Variants in PLD3 observed in about 807,000 individuals in gnomAD.
The protein encoded by PLD3 is 5'-3' exonuclease PLD3.
PLD3 carries 31 observed loss-of-function variants against 58.4 expected under a neutral mutation model. That is an observed-to-expected ratio of 0.53 (90% CI 0.40 to 0.72). The LOEUF (loss-of-function observed/expected upper bound fraction) is 0.72. Ranked by LOEUF, PLD3 falls within the 30% of genes least tolerant of loss-of-function variation. PLD3 has a pLI of 0.00. For synonymous variants in PLD3, 264 were observed against 273.4 expected (o/e 0.97, Z 0.34); for missense variants, 595 against 659.8 (o/e 0.90, Z 1.08).
Position 40,378,179 on chromosome 19 carries a change from G to A in PLD3, c.*6G>A, listed in dbSNP as rs768959805. ...ACGCCTGCCGCCTGCTCTGAGGCCC[G>A]ATCCAGTGGGCAGGCCAAGGCCTGC... On this transcript the variant is annotated 3_prime_UTR_variant, in exon 13 of 13. Coordinates refer to ENST00000409735, the MANE Select transcript of PLD3 (RefSeq NM_012268.4). 14 of 1,603,752 alleles carry A rather than the reference G, an allele frequency of 8.7e-6. No homozygotes were observed. The highest frequency in any genetic ancestry group is 6.8e-5 in the Admixed American group (4 of 59,152).
chr19:40,361,476 C>T lies in PLD3; in HGVS notation c.-278-4242C>T, dbSNP rs150585555. Among the ~76,000 whole-genome samples, 229 of 152,280 alleles carry T rather than the reference C, an allele frequency of 1.5e-3. 3 individuals are homozygous for T. The East Asian group carries it at 0.016, about 11-fold the overall frequency. ...CATCCTTCCCTGCTGGGAACCCACA[C>T]GTGACCCTGTTCTACTCATCACAGT... is the stretch of plus-strand genomic sequence containing the variant. On this transcript the variant is annotated intron_variant, in intron 1 of 12. Transcript: ENST00000409735.
Position 40,378,047 on chromosome 19 carries a change from G to A in PLD3, c.1347G>A (p.Thr449=), listed in dbSNP as rs558997903. The A allele has an allele frequency of 5.6e-6, 9 of 1,613,772 alleles. No individual in the cohort carries two copies. Among genetic ancestry groups the A allele is most frequent in the Admixed American group, 3.3e-5 (2 of 59,980 alleles). Residue 449 remains threonine (T), a synonymous_variant, in exon 13 of 13, where the codon ACG becomes ACA. Transcript: ENST00000409735. ...TETAGTSLLV[T]QNGRGGLRSQ... ...CGGCGGGCACCTCGCTGCTGGTGAC[G>A]CAGAATGGGAGGGGCGGCCTGCGGA... is the stretch of plus-strand genomic sequence containing the variant.
intron 9 of PLD3, among the ~76,000 whole-genome samples, chr19:40,374,111 A>G (rs1408573912): frequency 6.6e-6 from 1 of 151,944 alleles, no homozygotes; most frequent in Non-Finnish European, 1.5e-5. Flanking sequence ...ACTCTGATTC[A>G]GTAGGCCATG....
chr19:40,350,316 C>T (rs2078477923), intron 1 of PLD3, among the ~76,000 whole-genome samples: 1 of 151,844 alleles, frequency 6.6e-6, no homozygotes, highest in Non-Finnish European at 1.5e-5. Flanking sequence ...CTTAACCTCC[C>T]AGCGCCTCAG....
At chr19:40,375,046 C>T (rs2079159821) in intron 10 of PLD3, among the ~76,000 whole-genome samples, 1 of 151,964 alleles carries the variant, frequency 6.6e-6, no homozygotes, top group African/African-American at 2.4e-5. Context: ...ATCCCAGCTA[C>T]TTGAGAGGCT....
chr19:40,377,823 G>T lies in PLD3; in HGVS notation c.1223G>T (p.Arg408Leu). ...GTCCCCGCGGATGAGGCCCAGGCTC[G>T]AATCCCATATGCCCGTGTCAACCAC... ...FVVPADEAQA[R>L]IPYARVNHNK... Residue 408 changes from arginine to leucine, a missense_variant, in exon 12 of 13, where the codon CGA (arginine) becomes CTA (leucine). Coordinates refer to ENST00000409735, the MANE Select transcript of PLD3 (RefSeq NM_012268.4). 2 of 1,613,946 alleles carry T rather than the reference G, an allele frequency of 1.2e-6. No individual in the cohort carries two copies. The highest frequency in any genetic ancestry group is 1.7e-6 in the Non-Finnish European group (2 of 1,179,894).
chr19:40,371,626 G>C, intron 8 of PLD3, 47 bp from the exon 9 acceptor site: 1 of 1,345,994 alleles, frequency 7.4e-7, no homozygotes, highest in South Asian at 1.2e-5. Flanking sequence ...CCTGTCATCT[G>C]TGAGCACTAG....
At position 40,366,867 on chromosome 19, in the gene PLD3, A is replaced by G; in HGVS notation, c.197A>G (p.His66Arg). ...QLFLWEYGDL[H>R]LFGPNQRPAP... The stretch of plus-strand genomic sequence containing the variant: ...TTTCTATGGGAATACGGCGACTTGC[A>G]TCTCTTTGGGCCCAACCAGCGCCCA... Residue 66 changes from histidine to arginine, a missense_variant, in exon 5 of 13, where the codon CAT (histidine) becomes CGT (arginine). By Grantham distance (29) the His-to-Arg change is conservative. Transcript: ENST00000409735. 6.2e-7 allele frequency: 1 copy of G among 1,613,908 alleles called. No individual in the cohort carries two copies. The highest frequency in any genetic ancestry group is 8.5e-7 in the Non-Finnish European group (1 of 1,179,946).
intron 6 of PLD3, among the ~76,000 whole-genome samples, chr19:40,369,361 C>CAACA (rs930529269): frequency 6.6e-6 from 1 of 151,980 alleles, no homozygotes; most frequent in East Asian, 1.9e-4. Context: ...GTCCCTGTCT[C>CAACA]AACAAACAAA....
intron 1 of PLD3, among the ~76,000 whole-genome samples, chr19:40,363,559 T>A (rs1372662190): frequency 2.6e-5 from 4 of 152,138 alleles, no homozygotes; most frequent in African/African-American, 9.7e-5. Context: ...GTCTCCCGAG[T>A]AGCTGGGATT....
At chr19:40,358,386 C>G (rs1421026884) in intron 1 of PLD3, 1 of 152,500 alleles carries the variant, frequency 6.6e-6, no homozygotes, top group Admixed American at 6.5e-5. Context: ...TGGACCTCAG[C>G]CTCCCGAGTA....
At chr19:40,359,587 C>T (rs770027877) in intron 1 of PLD3, 1 of 152,218 alleles carries the variant, frequency 6.6e-6, no homozygotes, top group Non-Finnish European at 1.5e-5. Flanking sequence ...GCTGAGACCA[C>T]AGTCCTCTGG....
chr19:40,361,258 T>C (rs1204779572), intron 1 of PLD3, among the ~76,000 whole-genome samples: 1 of 152,158 alleles, frequency 6.6e-6, no homozygotes, highest in Non-Finnish European at 1.5e-5. Flanking sequence ...ATTACAGGCA[T>C]GTGCCACCAT....
intron 1 of PLD3, among the ~76,000 whole-genome samples, chr19:40,351,840 C>T (rs531095137): frequency 1.3e-5 from 2 of 152,312 alleles, no homozygotes; most frequent in African/African-American, 4.8e-5. Context: ...ATGAAGCCAT[C>T]ACCCTGAGCT....
chr19:40,351,089 TATG>T (rs1489093535), intron 1 of PLD3, among the ~76,000 whole-genome samples: 4 of 150,520 alleles, frequency 2.7e-5, no homozygotes, highest in Admixed American at 1.3e-4. Context: ...ATTAGCCAGG[TATG>T]GTGGTGTGCG....
chr19:40,369,064 G>A (rs755507445), intron 6 of PLD3, among the ~76,000 whole-genome samples: 17 of 152,314 alleles, frequency 1.1e-4, no homozygotes, highest in Middle Eastern at 3.4e-3. Flanking sequence ...ATTGGAGGCT[G>A]CAGTGAGCTG....
chr19:40,372,778 G>A (rs941831298), intron 9 of PLD3, among the ~76,000 whole-genome samples: 1 of 151,894 alleles, frequency 6.6e-6, no homozygotes, highest in Non-Finnish European at 1.5e-5. Context: ...GGGAGGCTAA[G>A]ACAGGGGGAT....
intron 6 of PLD3, among the ~76,000 whole-genome samples, chr19:40,368,397 TG>T (rs1568669214): frequency 6.6e-6 from 1 of 152,206 alleles, no homozygotes; most frequent in Non-Finnish European, 1.5e-5. Context: ...TTTGTGAGTC[TG>T]CTGTTACTAT....
chr19:40,364,323 C>T, intron 1 of PLD3, among the ~76,000 whole-genome samples: 1 of 151,578 alleles, frequency 6.6e-6, no homozygotes, highest in East Asian at 2.0e-4. Context: ...CACTGCACTC[C>T]AGCCTGGGCA....
Sources: gnomAD v4.1 joint callset for allele counts (sites outside exome capture counted in the v4.1 genomes callset) on GRCh38, gnomAD v4.1.1 for gene constraint, MANE v1.5 for transcripts, NCBI Gene and HGNC (gene_info 2026-07-23, HGNC 2026-07-21) for gene names.